Variants in CCSER1 observed in about 807,000 individuals in gnomAD.
CCSER1 encodes coiled-coil serine rich protein 1.
Under a neutral mutation model 82.0 loss-of-function variants are expected in CCSER1, and 41 were observed. The ratio of observed to expected loss-of-function variants is 0.50; its 90% CI spans 0.39 to 0.65. CCSER1 has a LOEUF of 0.65. CCSER1 is among the 30% of genes least tolerant of loss of function. The pLI, the probability that CCSER1 is intolerant of heterozygous loss-of-function variation, is 0.00. For synonymous variants in CCSER1, 414 were observed against 383.9 expected (o/e 1.08, Z -0.92); for missense variants, 1,119 against 1,064.2 (o/e 1.05, Z -0.72).
At chr4:90,242,664 C>A (rs1213739491) in intron 1 of CCSER1, among the ~76,000 whole-genome samples, 1 of 152,110 alleles carries the variant, frequency 6.6e-6, no homozygotes. Flanking sequence ...ATGATTTTTC[C>A]CCTTTGGTTA....
At chr4:90,720,389 A>G (rs1276605639) in intron 6 of CCSER1, among the ~76,000 whole-genome samples, 1 of 152,078 alleles carries the variant, frequency 6.6e-6, no homozygotes, top group African/African-American at 2.4e-5. Context: ...ATCAGAAGAA[A>G]AACATAAGAC....
intron 10 of CCSER1, among the ~76,000 whole-genome samples, chr4:91,432,711 C>G (rs1484356218): frequency 6.6e-6 from 1 of 152,004 alleles, no homozygotes; most frequent in Non-Finnish European, 1.5e-5. Flanking sequence ...TTTTTTACTA[C>G]TGGATTTTTG....
intron 10 of CCSER1, among the ~76,000 whole-genome samples, chr4:91,315,058 TTCTC>T (rs1350943489): frequency 6.6e-6 from 1 of 151,862 alleles, no homozygotes; most frequent in Non-Finnish European, 1.5e-5. Context: ...AGCCTCAGGA[TTCTC>T]TCTACTAGGG....
At chr4:90,898,984 G>C (rs1647897566) in intron 8 of CCSER1, among the ~76,000 whole-genome samples, 1 of 151,896 alleles carries the variant, frequency 6.6e-6, no homozygotes, top group African/African-American at 2.4e-5. Context: ...TGTATAAAAT[G>C]ACATTGGTCA....
rs70965483 is a variant in CCSER1, at chr4:91,306,059, TTGTGTGTGTGTGTGTG to T, written c.2217+220087_2217+220102del. Among the ~76,000 whole-genome samples the T allele has an allele frequency of 4.6e-4, 64 of 139,634 alleles. No individual in the cohort carries two copies. In the South Asian group the frequency reaches 6.9e-3, roughly 15 times the overall value. The allele number at this position is 139,634 out of a possible 152,430, so 91.6% of individuals were successfully genotyped here. On this transcript the variant is annotated intron_variant, in intron 10 of 10. Transcript: ENST00000509176. ...ACACAACCAAACCATATCAGTGTGT[TTGTGTGTGTGTGTGTG>T]TGTGTGTGTGTGTGTGTGTGTATAC... is the stretch of plus-strand genomic sequence containing the variant.
At chr4:90,989,911 C>A (rs1476781043) in intron 9 of CCSER1, among the ~76,000 whole-genome samples, 2 of 151,618 alleles carry the variant, frequency 1.3e-5, no homozygotes, top group African/African-American at 4.8e-5. Flanking sequence ...ATATATAGAG[C>A]ATTAATATCA....
chr4:90,692,864 A>G (rs1228385499), intron 6 of CCSER1, among the ~76,000 whole-genome samples: 1 of 152,000 alleles, frequency 6.6e-6, no homozygotes, highest in African/African-American at 2.4e-5. Context: ...CTCATTTATC[A>G]TTCAGATATA....
At chr4:91,403,980 C>T (rs1355689099) in intron 10 of CCSER1, among the ~76,000 whole-genome samples, 2 of 152,116 alleles carry the variant, frequency 1.3e-5, no homozygotes, top group Non-Finnish European at 2.9e-5. Context: ...GGTACCAGCT[C>T]CTCTTTGTAC....
chr4:90,211,655 C>G (rs1740022832), intron 1 of CCSER1, among the ~76,000 whole-genome samples: 1 of 152,102 alleles, frequency 6.6e-6, no homozygotes, highest in Non-Finnish European at 1.5e-5. Context: ...ATACAGTCAG[C>G]CACAACAGTT....
At chr4:90,574,547 C>A (rs1331944293) in intron 5 of CCSER1, among the ~76,000 whole-genome samples, 1 of 151,714 alleles carries the variant, frequency 6.6e-6, no homozygotes, top group Non-Finnish European at 1.5e-5. Flanking sequence ...GGATTACAGG[C>A]GTGAGCCACC....
At chr4:90,514,768 A>G (rs1560642292) in intron 5 of CCSER1, among the ~76,000 whole-genome samples, 1 of 152,170 alleles carries the variant, frequency 6.6e-6, no homozygotes, top group African/African-American at 2.4e-5. Flanking sequence ...AATAAAAAAA[A>G]AGAAAATATT....
intron 5 of CCSER1, among the ~76,000 whole-genome samples, chr4:90,602,517 A>G (rs188618191): frequency 3.5e-4 from 53 of 152,200 alleles, no homozygotes; most frequent in African/African-American, 1.2e-3. Context: ...ATCTTAGTAT[A>G]TTTATTAATT....
At chr4:90,689,403 T>C (rs1735413052) in intron 6 of CCSER1, among the ~76,000 whole-genome samples, 1 of 152,134 alleles carries the variant, frequency 6.6e-6, no homozygotes. Flanking sequence ...GCCCAACATA[T>C]CTGGTTAGAA....
chr4:90,594,987 A>G (rs1461450397), intron 5 of CCSER1, among the ~76,000 whole-genome samples: 2 of 152,020 alleles, frequency 1.3e-5, no homozygotes, highest in African/African-American at 4.8e-5. Context: ...TAATATCATA[A>G]GTAATATATT....
chr4:90,963,286 C>T (rs993922845), intron 9 of CCSER1, among the ~76,000 whole-genome samples: 1 of 151,910 alleles, frequency 6.6e-6, no homozygotes, highest in Non-Finnish European at 1.5e-5. Flanking sequence ...CTAACAGAAT[C>T]CCAAAACTAG....
intron 10 of CCSER1, among the ~76,000 whole-genome samples, chr4:91,535,938 C>A (rs914806898): frequency 1.3e-5 from 2 of 152,038 alleles, no homozygotes; most frequent in African/African-American, 4.8e-5. Flanking sequence ...TTGGCCTTTC[C>A]CTTTTGTCCT....
intron 2 of CCSER1, among the ~76,000 whole-genome samples, chr4:90,312,333 G>T (rs886255331): frequency 6.6e-6 from 1 of 152,124 alleles, no homozygotes; most frequent in Non-Finnish European, 1.5e-5. Flanking sequence ...GGGACAGAGA[G>T]AGCAGTCATA....
At chr4:91,367,234 C>T (rs1469530343) in intron 10 of CCSER1, among the ~76,000 whole-genome samples, 1 of 147,682 alleles carries the variant, frequency 6.8e-6, no homozygotes, top group Non-Finnish European at 1.5e-5. Flanking sequence ...GGAGGATCAC[C>T]TGAGCCCAGG....
At chr4:90,997,840 T>G (rs991571259) in intron 9 of CCSER1, among the ~76,000 whole-genome samples, 2 of 151,848 alleles carry the variant, frequency 1.3e-5, no homozygotes, top group Non-Finnish European at 2.9e-5. Flanking sequence ...TAACCTAGAG[T>G]TTTATAATGA....
Sources: allele counts gnomAD v4.1 joint callset (sites outside exome capture counted in the v4.1 genomes callset), GRCh38; gene constraint gnomAD v4.1.1; transcripts MANE v1.5; gene names NCBI Gene and HGNC (gene_info 2026-07-23, HGNC 2026-07-21).